Variants in ALG14 observed in about 807,000 individuals in gnomAD.
ALG14 encodes the protein UDP-N-acetylglucosamine transferase subunit ALG14.
In ALG14, 17 loss-of-function variants were observed where a neutral mutation model predicts 22.8. The observed-to-expected ratio is 0.75, with a 90% CI of 0.51 to 1.12. The LOEUF (loss-of-function observed/expected upper bound fraction) is 1.12, where lower values mean the gene tolerates loss of function less well. ALG14 is among the 50% of genes most tolerant of loss of function. The probability of loss-of-function intolerance (pLI) is 0.00; values close to 1 mark genes in which losing one functional copy is unlikely to be tolerated. For missense variants in ALG14, 288 were observed against 271.8 expected, an observed-to-expected ratio of 1.06 and a Z score of -0.42; for synonymous variants, 89 against 103.7, an observed-to-expected ratio of 0.86 and a Z score of 0.86.
At chr1:95,040,364 T>G (rs1373110772) in intron 2 of ALG14, among the ~76,000 whole-genome samples, 1 of 152,164 alleles carries the variant, frequency 6.6e-6, no homozygotes, top group Non-Finnish European at 1.5e-5. Context: ...CACCATAAAG[T>G]GAGCATCTAC....
At position 95,029,087 on chromosome 1, in the gene ALG14, A is replaced by C. The variant is rs577371242; in HGVS notation, c.289-1827T>G. Among the ~76,000 whole-genome samples, 9 of 152,314 alleles carry C rather than the reference A, an allele frequency of 5.9e-5. No individual in the cohort carries two copies. In the South Asian group the frequency reaches 8.3e-4, roughly 14 times the overall value. On this transcript the variant is annotated intron_variant, in intron 2 of 3. Coordinates refer to ENST00000370205, the MANE Select transcript of ALG14 (RefSeq NM_144988.4). Reference sequence around the variant, plus strand: ...TTTTCACAGTTTCTGTGGGTCAGGAACCAAGAGTGGCTTAGTGGCTTGCAG... The same window carrying C: ...TTTTCACAGTTTCTGTGGGTCAGGACCCAAGAGTGGCTTAGTGGCTTGCAG...
chr1:95,032,089 G>T lies in ALG14; in HGVS notation c.289-4829C>A, dbSNP rs542960930. Among the ~76,000 whole-genome samples, 12 of 152,056 alleles carry T rather than the reference G, an allele frequency of 7.9e-5. No individual in the cohort carries two copies. In the East Asian group the frequency reaches 2.3e-3, roughly 29 times the overall value. On this transcript the variant is annotated intron_variant, in intron 2 of 3. Transcript: ENST00000370205. ...CTCCCAAAGTGCTGGGATTACAGGC[G>T]TGATCCACTGCGCCTGGCCCTGGGC...
chr1:95,052,999 A>C (rs1490088383), intron 2 of ALG14, among the ~76,000 whole-genome samples: 1 of 152,192 alleles, frequency 6.6e-6, no homozygotes, highest in East Asian at 1.9e-4. Flanking sequence ...GATTCCAAGA[A>C]AAAGGTCTAA....
chr1:95,030,972 CCTCT>C (rs1478619106), intron 2 of ALG14, among the ~76,000 whole-genome samples: 1 of 152,142 alleles, frequency 6.6e-6, no homozygotes, highest in African/African-American at 2.4e-5. Flanking sequence ...AGTTTGATGA[CCTCT>C]CTTTTTACTT....
intron 2 of ALG14, among the ~76,000 whole-genome samples, chr1:95,040,615 C>T (rs542743264): frequency 2.6e-4 from 40 of 152,168 alleles, no homozygotes; most frequent in African/African-American, 8.2e-4. Flanking sequence ...AAAGGAAGGA[C>T]GTAGGGAATT....
intron 2 of ALG14, 74 bp downstream of exon 2, chr1:95,064,792 T>C: frequency 3.5e-6 from 5 of 1,411,802 alleles, no homozygotes; most frequent in East Asian, 2.3e-5. Context: ...TGAAGTGCCA[T>C]GAGATTATTA....
At chr1:95,023,289 A>G (rs1279051831) in intron 3 of ALG14, among the ~76,000 whole-genome samples, 2 of 152,100 alleles carry the variant, frequency 1.3e-5, no homozygotes, top group African/African-American at 4.8e-5. Context: ...ATGCTTGGCT[A>G]ATTTTTGTAT....
chr1:95,000,556 A>AAG (rs1252704057), intron 3 of ALG14, among the ~76,000 whole-genome samples: 1 of 150,844 alleles, frequency 6.6e-6, no homozygotes, highest in East Asian at 1.9e-4. Context: ...AAAAAAAAAA[A>AAG]AAAGAAATAT....
At chr1:95,046,924 T>C (rs1317172635) in intron 2 of ALG14, among the ~76,000 whole-genome samples, 1 of 151,838 alleles carries the variant, frequency 6.6e-6, no homozygotes, top group East Asian at 1.9e-4. Flanking sequence ...CTGAGATTGC[T>C]GCACTGCACT....
rs1358633094 is a variant in ALG14 at position 94,982,869 on chromosome 1, A to G, written c.*207T>C. ...AAATTTGGTTTACAGAGGCATAAAC[A>G]TTTAGTAGTTACGTTTATCAATGTT... On this transcript the variant is annotated 3_prime_UTR_variant, in exon 4 of 4. Transcript: ENST00000370205. The G allele has an allele frequency of 7.2e-6, 4 of 558,644 alleles. No individual in the cohort carries two copies. The highest frequency in any genetic ancestry group is 1.3e-5 in the Non-Finnish European group (4 of 317,072). The allele number at this position is 558,644 out of a possible 1,614,324, so 34.6% of individuals were successfully genotyped here. A position where few individuals can be genotyped will look rare whatever the true frequency, so the allele number is the denominator to read the frequency against.
intron 1 of ALG14, among the ~76,000 whole-genome samples, chr1:95,066,740 A>C (rs561656715): frequency 4.4e-4 from 67 of 152,270 alleles, no homozygotes; most frequent in African/African-American, 1.5e-3. Flanking sequence ...TCGAAAAAAA[A>C]CAAAAAAGTT....
In ALG14 at chr1:95,072,880, G is replaced by T; in HGVS notation, c.19C>A (p.Leu7Ile). 6.2e-7 allele frequency: 1 copy of T among 1,614,102 alleles called. No homozygotes were observed. Among genetic ancestry groups the T allele is most frequent in the Non-Finnish European group, 8.5e-7 (1 of 1,180,018 alleles). Residue 7 changes from leucine (L) to isoleucine (I), a missense_variant, in exon 1 of 4, where the codon CTA becomes ATA. Leu to Ile is a conservative substitution (Grantham distance 5, BLOSUM62 2). Coordinates refer to ENST00000370205, the MANE Select transcript of ALG14 (RefSeq NM_144988.4). ...GCCACAGCTCCTGCGGCCGCAGCTA[G>T]AACGAGAACGCACACCATGCAGAGA... Reference protein sequence around the residue: MVCVLVLAAAAGAVAVF... With the variant: MVCVLVIAAAAGAVAVF...
intron 3 of ALG14, among the ~76,000 whole-genome samples, chr1:94,998,528 C>T (rs1672966289): frequency 6.6e-6 from 1 of 152,180 alleles, no homozygotes; most frequent in South Asian, 2.1e-4. Flanking sequence ...TAACTACCAC[C>T]AGCTTATCAC....
In ALG14 at chr1:94,983,477, T is replaced by C. The variant is rs2298162; in HGVS notation, c.421-171A>G. On this transcript the variant is annotated intron_variant, in intron 3 of 3. Transcript: ENST00000370205. ...AGCGCATGTTTAAGCCCATGCACTT[T>C]GGAGCCAGGCAGAGCTGTGTTGTCT... The C allele has an allele frequency of 0.41, 247,198 of 610,356 alleles. 53,358 individuals are homozygous for C. The highest frequency in any genetic ancestry group is 0.77 in the East Asian group (27,208 of 35,494). The allele number at this position is 610,356 out of a possible 1,614,324, so 37.8% of individuals were successfully genotyped here.
intron 2 of ALG14, among the ~76,000 whole-genome samples, chr1:95,036,585 C>A (rs886595686): frequency 6.6e-6 from 1 of 151,836 alleles, no homozygotes; most frequent in Non-Finnish European, 1.5e-5. Context: ...CGCCACCATA[C>A]CCGGCTAATT....
chr1:95,005,215 A>T (rs767896068), intron 3 of ALG14, among the ~76,000 whole-genome samples: 5 of 152,218 alleles, frequency 3.3e-5, no homozygotes, highest in Non-Finnish European at 5.9e-5. Flanking sequence ...TTACTCTAGA[A>T]ATAAGGAACT....
At chr1:95,064,467 A>T (rs113005567) in intron 2 of ALG14, among the ~76,000 whole-genome samples, 7,024 of 152,250 alleles carry the variant, frequency 0.046, 220 homozygotes, top group South Asian at 0.087. Flanking sequence ...CAATACCTAG[A>T]TTATTGACAG....
At chr1:95,067,006 CT>C (rs1426483877) in intron 1 of ALG14, 1 of 152,088 alleles carries the variant, frequency 6.6e-6, no homozygotes, top group Non-Finnish European at 1.5e-5. Flanking sequence ...CTTTTATTTC[CT>C]TTTTTAAACT....
At chr1:95,043,540 T>C (rs1320038253) in intron 2 of ALG14, among the ~76,000 whole-genome samples, 2 of 152,174 alleles carry the variant, frequency 1.3e-5, no homozygotes, top group African/African-American at 4.8e-5. Flanking sequence ...TTCAGCTCTC[T>C]ACCGCCTCTA....
Sources: gnomAD v4.1 joint callset for allele counts (sites outside exome capture counted in the v4.1 genomes callset) on GRCh38, gnomAD v4.1.1 for gene constraint, MANE v1.5 for transcripts, NCBI Gene and HGNC (gene_info 2026-07-23, HGNC 2026-07-21) for gene names.